The following AP3D1 variants were observed in gnomAD, a reference collection of about 807,000 sequenced individuals.
AP3D1 encodes the protein adaptor related protein complex 3 subunit delta 1.
In AP3D1, 51 loss-of-function variants were observed where a neutral mutation model predicts 147.6. That is an observed-to-expected ratio of 0.35 (90% CI 0.28 to 0.44). The LOEUF (loss-of-function observed/expected upper bound fraction) is 0.44. Ranked by LOEUF, AP3D1 falls within the 20% of genes least tolerant of loss-of-function variation. The pLI is 1.00. For missense variants in AP3D1, 1,421 were observed against 1,624.2 expected (o/e 0.87, Z 2.15); for synonymous variants, 760 against 663.0 (o/e 1.15, Z -2.25).
At chr19:2,127,047 A>C in intron 9 of AP3D1, 105 bp downstream of exon 9, 1 of 1,232,972 alleles carries the variant, frequency 8.1e-7, no homozygotes, top group Non-Finnish European at 1.2e-6. Flanking sequence ...CAGTTCCAGC[A>C]GGGGTGGCGC....
chr19:2,139,403 G>C lies in AP3D1; in HGVS notation c.97-689C>G, dbSNP rs182880154. On this transcript the variant is annotated intron_variant, in intron 1 of 31. Coordinates refer to ENST00000643116, the MANE Select transcript of AP3D1 (RefSeq NM_001261826.3). ...CAGGTTTTGAGGGGATGTGTCTGGTGTGTCTGGATCCCCCTGGGCCTGCTC... is the reference window on the plus strand; with the variant it reads ...CAGGTTTTGAGGGGATGTGTCTGGTCTGTCTGGATCCCCCTGGGCCTGCTC... 3.7e-4 allele frequency among the ~76,000 whole-genome samples: 56 copies of C among 152,290 alleles called. No homozygotes were observed. The Middle Eastern group carries it at 0.014, about 37-fold the overall frequency.
chr19:2,138,564 C>T (rs570464849), intron 2 of AP3D1, 55 bp downstream of exon 2: 19 of 1,323,424 alleles, frequency 1.4e-5, no homozygotes, highest in South Asian at 5.9e-5. Flanking sequence ...GGGACACGTG[C>T]TGAGTGGAGA....
intron 1 of AP3D1, among the ~76,000 whole-genome samples, chr19:2,158,826 AGTTT>A (rs1017715199): frequency 2.0e-4 from 30 of 152,194 alleles, no homozygotes; most frequent in Admixed American, 1.2e-3. Flanking sequence ...GCAAGAAAGG[AGTTT>A]GTTTGGGGAA....
intron 23 of AP3D1, 145 bp downstream of exon 23, chr19:2,113,191 G>A (rs919983454): frequency 5.3e-5 from 34 of 636,624 alleles, no homozygotes; most frequent in Non-Finnish European, 8.0e-5. Flanking sequence ...GCATGACCCC[G>A]GCTCCACTCA....
At chr19:2,153,535 G>C (rs538958362), upstream of AP3D1, among the ~76,000 whole-genome samples, 15 of 151,984 alleles carry the variant, frequency 9.9e-5, no homozygotes, top group African/African-American at 3.6e-4. Flanking sequence ...AATTAGTCAG[G>C]CATGGTTGTG....
Position 2,116,342 on chromosome 19 carries a change from A to G in AP3D1, c.2002-64T>C. 5.3e-6 allele frequency: 8 copies of G among 1,510,682 alleles called. No individual in the cohort carries two copies. The South Asian group carries it at 8.3e-5, about 16-fold the overall frequency. 93.6% of individuals were successfully genotyped at this position (1,510,682 alleles called of 1,614,324 possible). A position where few individuals can be genotyped will look rare whatever the true frequency, so the allele number is the denominator to read the frequency against. Reference sequence around the variant, plus strand: ...GCAGGATACCCCTCTGTGGACGTCCACCACCAGCCACCCAGCTGGGGAAGG... The same window carrying G: ...GCAGGATACCCCTCTGTGGACGTCCGCCACCAGCCACCCAGCTGGGGAAGG... On this transcript the variant is annotated intron_variant, in intron 17 of 31. Coordinates refer to ENST00000643116, the MANE Select transcript of AP3D1 (RefSeq NM_001261826.3).
At chr19:2,127,014 C>T in intron 9 of AP3D1, 138 bp downstream of exon 9, 1 of 892,384 alleles carries the variant, frequency 1.1e-6, no homozygotes, top group Non-Finnish European at 1.7e-6. Flanking sequence ...CAGCCCCAGG[C>T]CCCACCAGCC....
At chr19:2,136,881 G>T in intron 4 of AP3D1, 130 bp downstream of exon 4, 1 of 830,482 alleles carries the variant, frequency 1.2e-6, no homozygotes, top group Admixed American at 2.1e-5. Flanking sequence ...CTGTGGCTCC[G>T]GAAGCCCCGC....
chr19:2,109,185 C>T lies in AP3D1; in HGVS notation c.3373G>A (p.Glu1125Lys). The stretch of plus-strand genomic sequence containing the variant: ...GAGCTCATGCTCAAGTCCCCAGACT[C>T]CAGCAACTTAGCAAAGGCGTCACTG... ...CYSDAFAKLLESGDLSMSSIK... is the reference protein window; with the variant it reads ...CYSDAFAKLLKSGDLSMSSIK... Residue 1125 changes from glutamate (E) to lysine (K), a missense_variant, in exon 30 of 32, where the codon GAG becomes AAG. By Grantham distance (56) the Glu-to-Lys change is moderately conservative (BLOSUM62 1). Transcript: ENST00000643116. 6.2e-7 allele frequency: 1 copy of T among 1,603,614 alleles called. No individual in the cohort carries two copies. Among genetic ancestry groups the T allele is most frequent in the Non-Finnish European group, 8.5e-7 (1 of 1,175,996 alleles).
At chr19:2,145,964 C>A (rs1300469016) in intron 1 of AP3D1, among the ~76,000 whole-genome samples, 1 of 152,220 alleles carries the variant, frequency 6.6e-6, no homozygotes, top group Admixed American at 6.5e-5. Context: ...CCCAGCCCTG[C>A]TGGTGGTGCG....
intron 4 of AP3D1, among the ~76,000 whole-genome samples, chr19:2,134,546 C>T (rs1420524825): frequency 6.7e-6 from 1 of 150,000 alleles, no homozygotes; most frequent in Non-Finnish European, 1.5e-5. Flanking sequence ...ACTAGCCTGA[C>T]CAACATGGTG....
chr19:2,157,566 T>TACCCATCC (rs995265609), intron 1 of AP3D1, among the ~76,000 whole-genome samples: 1 of 139,586 alleles, frequency 7.2e-6, no homozygotes, highest in Non-Finnish European at 1.5e-5. Context: ...TCTACCCATC[T>TACCCATCC]ACCCATCCAC....
chr19:2,148,535 G>A (rs1271443965), intron 1 of AP3D1, among the ~76,000 whole-genome samples: 2 of 152,204 alleles, frequency 1.3e-5, no homozygotes, highest in Non-Finnish European at 2.9e-5. Flanking sequence ...CACAGCCTGA[G>A]GACTGGAAAA....
At chr19:2,112,230 G>C (rs1048132162) in intron 24 of AP3D1, 11 of 237,974 alleles carry the variant, frequency 4.6e-5, no homozygotes, top group South Asian at 4.6e-4. Context: ...AGCGGCCCAA[G>C]TGGCTATCAA....
At chr19:2,114,950 C>G in intron 20 of AP3D1, 129 bp from the exon 21 acceptor site, 2 of 1,060,184 alleles carry the variant, frequency 1.9e-6, no homozygotes, top group East Asian at 2.5e-5. Flanking sequence ...GTGGCTCCAC[C>G]AGAGGCTCCG....
intron 1 of AP3D1, among the ~76,000 whole-genome samples, chr19:2,163,998 A>C (rs2019810234): frequency 6.7e-6 from 1 of 149,342 alleles, no homozygotes; most frequent in Admixed American, 6.6e-5. Flanking sequence ...TGTGACTACA[A>C]AGAGGGAGTC....
chr19:2,164,218 C>G, intron 1 of AP3D1: 1 of 1,285,656 alleles, frequency 7.8e-7, no homozygotes. Flanking sequence ...ACTGAAGTCG[C>G]CCGTGGGGGC....
intron 1 of AP3D1, among the ~76,000 whole-genome samples, chr19:2,145,452 G>A (rs916875175): frequency 1.1e-4 from 16 of 152,282 alleles, no homozygotes; most frequent in Admixed American, 1.0e-3. Flanking sequence ...GGCGATGTAT[G>A]CAGCATCTGT....
At chr19:2,121,705 C>A (rs114505976) in intron 12 of AP3D1, 29 bp downstream of exon 12, 4 of 1,545,702 alleles carry the variant, frequency 2.6e-6, no homozygotes, top group Non-Finnish European at 3.5e-6. Context: ...TAAGGCCAGG[C>A]GGGCGGGCGG....
Sources: gnomAD v4.1 joint callset for allele counts (sites outside exome capture counted in the v4.1 genomes callset) on GRCh38, gnomAD v4.1.1 for gene constraint, MANE v1.5 for transcripts, NCBI Gene and HGNC (gene_info 2026-07-23, HGNC 2026-07-21) for gene names.